RAP1GAP: variants seen among roughly 807,000 people sequenced by gnomAD.
The protein encoded by RAP1GAP is RAP1 GTPase activating protein, also known as rap1 GTPase-activating protein 1.
In RAP1GAP, 35 loss-of-function variants were observed where a neutral mutation model predicts 87.2. That is an observed-to-expected ratio of 0.40 (90% CI 0.31 to 0.53). RAP1GAP has a LOEUF of 0.53. Ranked by LOEUF, RAP1GAP falls within the 20% of genes least tolerant of loss-of-function variation. The probability of loss-of-function intolerance (pLI) is 0.48; values close to 1 mark genes in which losing one functional copy is unlikely to be tolerated. For missense variants in RAP1GAP, 734 were observed against 898.9 expected (o/e 0.82, Z 2.35); for synonymous variants, 375 against 363.9 (o/e 1.03, Z -0.35).
In RAP1GAP at chr1:21,613,280, G is replaced by A; in HGVS notation, c.475-51C>T. On this transcript the variant is annotated intron_variant, in intron 9 of 24. Coordinates refer to ENST00000374765, the MANE Select transcript of RAP1GAP (RefSeq NM_002885.4). This position sits in a 1 kb window ranked among gnomAD's most constrained non-coding sequence, Gnocchi z 4.7. The stretch of plus-strand genomic sequence containing the variant: ...GTGAGGTGTGGGGCCAGGGAGGAGA[G>A]GATGGGGCTGCCTGGGCCTCCCTGG... 2.0e-6 allele frequency: 3 copies of A among 1,477,126 alleles called. No homozygotes were observed. The highest frequency in any genetic ancestry group is 1.7e-4 in the Middle Eastern group (1 of 5,798). 91.5% of individuals were successfully genotyped at this position (1,477,126 alleles called of 1,614,324 possible). A position where few individuals can be genotyped will look rare whatever the true frequency, so the allele number is the denominator to read the frequency against.
At chr1:21,663,595 C>T (rs908042265) in intron 1 of RAP1GAP, among the ~76,000 whole-genome samples, 3 of 152,170 alleles carry the variant, frequency 2.0e-5, no homozygotes, top group Admixed American at 1.3e-4. Flanking sequence ...CCCTACCCCT[C>T]GAGCCCTGAA....
intron 1 of RAP1GAP, among the ~76,000 whole-genome samples, chr1:21,660,345 A>ATATATGTATATATATATATATATATT: frequency 3.2e-5 from 3 of 92,600 alleles, no homozygotes; most frequent in African/African-American, 1.2e-4. Flanking sequence ...TCAGCTATAT[A>ATATATGTATATATATATATATATATT]TATTTATTGA....
chr1:21,623,955 T>A (rs1294792963), intron 3 of RAP1GAP, among the ~76,000 whole-genome samples: 1 of 152,242 alleles, frequency 6.6e-6, no homozygotes, highest in Non-Finnish European at 1.5e-5. Flanking sequence ...TGTGGCTGTA[T>A]GTATGTGGGC....
intron 1 of RAP1GAP, among the ~76,000 whole-genome samples, chr1:21,662,662 C>A (rs2097193343): frequency 6.6e-6 from 1 of 152,160 alleles, no homozygotes; most frequent in Non-Finnish European, 1.5e-5. Context: ...GCTCCTGCCC[C>A]TGCCCAGAAT....
rs559756663 is a variant in RAP1GAP at position 21,646,848 on chromosome 1, C to T, written c.-113+2913G>A. Among the ~76,000 whole-genome samples the T allele has an allele frequency of 1.1e-4, 17 of 152,338 alleles. 1 individual carries two copies. In the South Asian group the frequency reaches 3.5e-3, roughly 32 times the overall value. On this transcript the variant is annotated intron_variant, in intron 2 of 24. Transcript: ENST00000374765. ...CTGGGCCTCCTTCCTCTTGCATCTG[C>T]ACACCTACTCTGAGGTCCTCCACTG...
chr1:21,619,642 A>G (rs1048781844), intron 4 of RAP1GAP, among the ~76,000 whole-genome samples: 1 of 152,014 alleles, frequency 6.6e-6, no homozygotes, highest in Admixed American at 6.5e-5. Flanking sequence ...TCTGGCTGAC[A>G]GGCCCCCAGC....
At chr1:21,659,307 C>T (rs1362273319) in intron 1 of RAP1GAP, among the ~76,000 whole-genome samples, 1 of 152,220 alleles carries the variant, frequency 6.6e-6, no homozygotes, top group East Asian at 1.9e-4. Context: ...GACGGCCGCC[C>T]GGGCTCCAGG....
Position 21,608,857 on chromosome 1 carries a change from T to C in RAP1GAP, c.1151A>G (p.Lys384Arg). ...CTCACAGCCCATCCTCACCTCCAGTTTGGCAAACTTCTCTGCCTTGTAGCA... is the reference window on the plus strand; with the variant it reads ...CTCACAGCCCATCCTCACCTCCAGTCTGGCAAACTTCTCTGCCTTGTAGCA... ...YACYKAEKFA[K>R]LEERTRAALL... is the part of the protein sequence containing the mutation. Residue 384 changes from lysine to arginine, a missense_variant, in exon 16 of 25, where the codon AAA becomes AGA. Lys to Arg is a conservative substitution (Grantham distance 26). Coordinates refer to ENST00000374765, the MANE Select transcript of RAP1GAP (RefSeq NM_002885.4). 1 of 1,613,926 alleles carries C rather than the reference T, an allele frequency of 6.2e-7. No homozygotes were observed. Among genetic ancestry groups the C allele is most frequent in the South Asian group, 1.1e-5 (1 of 91,078 alleles).
rs2079746166 is a variant in RAP1GAP at position 21,613,445 on chromosome 1, G to A, written c.474+183C>T. 6.6e-6 allele frequency among the ~76,000 whole-genome samples: 1 copy of A among 152,156 alleles called. No individual in the cohort carries two copies. The highest frequency in any genetic ancestry group is 2.4e-5 in the African/African-American group (1 of 41,436). The stretch of plus-strand genomic sequence containing the variant: ...CCAAAAGCACACAGGCAGGGGACGG[G>A]GGCCTAGGAGAACACGTGGCAGCCC... On this transcript the variant is annotated intron_variant, in intron 9 of 24. Transcript: ENST00000374765. This position sits in a 1 kb window ranked among gnomAD's most constrained non-coding sequence, Gnocchi z 4.7.
chr1:21,620,129 G>C (rs947467246), intron 3 of RAP1GAP, 79 bp from the exon 4 acceptor site: 1 of 1,509,454 alleles, frequency 6.6e-7, no homozygotes. Context: ...CCGGCCCTCC[G>C]GGTCCCACCA....
chr1:21,645,791 T>C (rs2095999613), intron 2 of RAP1GAP, among the ~76,000 whole-genome samples: 1 of 152,246 alleles, frequency 6.6e-6, no homozygotes, highest in South Asian at 2.1e-4. Flanking sequence ...CTGTGCCTGC[T>C]TGGCATTTCA....
chr1:21,616,553 C>T (rs1205639029), intron 7 of RAP1GAP, among the ~76,000 whole-genome samples: 1 of 152,230 alleles, frequency 6.6e-6, no homozygotes, highest in Non-Finnish European at 1.5e-5. Context: ...CCAGAGCCCA[C>T]GACACACTTC....
intron 2 of RAP1GAP, among the ~76,000 whole-genome samples, chr1:21,636,753 G>A (rs1276472200): frequency 6.6e-6 from 1 of 151,816 alleles, no homozygotes; most frequent in African/African-American, 2.4e-5. Flanking sequence ...GTTGCAGTGA[G>A]CCGAGATCAT....
intron 19 of RAP1GAP, among the ~76,000 whole-genome samples, chr1:21,602,428 C>A (rs2069461761): frequency 6.6e-6 from 1 of 152,214 alleles, no homozygotes; most frequent in African/African-American, 2.4e-5. Context: ...ACTCATGGAC[C>A]CCCCAGGCCC....
chr1:21,607,840 A>G (rs1203484274), intron 17 of RAP1GAP, among the ~76,000 whole-genome samples: 1 of 151,810 alleles, frequency 6.6e-6, no homozygotes, highest in African/African-American at 2.4e-5. Context: ...CTCATCCCAG[A>G]CTAGAGCCTC....
intron 18 of RAP1GAP, among the ~76,000 whole-genome samples, chr1:21,605,151 C>T (rs1422055383): frequency 6.6e-6 from 1 of 152,082 alleles, no homozygotes; most frequent in East Asian, 1.9e-4. Context: ...CAGTGAGGCC[C>T]ACAGCCATAG....
At chr1:21,616,643 C>T (rs829417) in intron 7 of RAP1GAP, among the ~76,000 whole-genome samples, 46,931 of 152,106 alleles carry the variant, frequency 0.31, 7,267 homozygotes, top group Admixed American at 0.37. Flanking sequence ...GGGACCTCCC[C>T]TTGGCTCCCA....
rs763008377 is a variant in RAP1GAP at position 21,608,119 on chromosome 1, C to T, written c.1296+94G>A. 234 of 1,532,500 alleles carry T rather than the reference C, an allele frequency of 1.5e-4. No individual in the cohort carries two copies. The highest frequency in any genetic ancestry group is 2.0e-4 in the Non-Finnish European group (223 of 1,133,560). The allele number at this position is 1,532,500 out of a possible 1,614,324, so 94.9% of individuals were successfully genotyped here. A position where few individuals can be genotyped will look rare whatever the true frequency, so the allele number is the denominator to read the frequency against. ...CACGCCCCTTCTGCCAGACTCCACC[C>T]CCACGCCGTGTCCATCAGTCTATCA... On this transcript the variant is annotated intron_variant, in intron 17 of 24. Transcript: ENST00000374765.
intron 1 of RAP1GAP, among the ~76,000 whole-genome samples, chr1:21,652,716 C>T (rs1017798094): frequency 1.3e-5 from 2 of 152,134 alleles, no homozygotes; most frequent in African/African-American, 4.8e-5. Flanking sequence ...GCACCCAGCT[C>T]GCCCAGAGCT....
Sources: gnomAD v4.1 joint callset for allele counts (sites outside exome capture counted in the v4.1 genomes callset) on GRCh38, gnomAD v4.1.1 for gene constraint, Gnocchi (gnomAD v3.1) non-coding constraint, MANE v1.5 for transcripts, NCBI Gene and HGNC (gene_info 2026-07-23, HGNC 2026-07-21) for gene names.